The following SLC35F4 variants were observed in gnomAD, a reference collection of about 807,000 sequenced individuals.
SLC35F4 encodes chromosome 14 open reading frame 36.
SLC35F4 carries 24 observed loss-of-function variants against 44.2 expected under a neutral mutation model. The observed-to-expected ratio is 0.54, with a 90% CI of 0.39 to 0.76. SLC35F4 has a LOEUF of 0.76. Among genes scored for constraint, SLC35F4 ranks in the 30% least tolerant of loss-of-function variants. The pLI is 0.00. For synonymous variants in SLC35F4, 238 were observed against 223.6 expected (o/e 1.06, Z -0.57); for missense variants, 562 against 586.1 (o/e 0.96, Z 0.42).
At chr14:57,681,563 T>C (rs963142310) in intron 1 of SLC35F4, among the ~76,000 whole-genome samples, 4 of 151,998 alleles carry the variant, frequency 2.6e-5, no homozygotes, top group African/African-American at 9.7e-5. Context: ...GAAGAAAACC[T>C]AGGGCATACC....
intron 1 of SLC35F4, among the ~76,000 whole-genome samples, chr14:57,955,813 A>G (rs1890227052): frequency 6.6e-6 from 1 of 152,330 alleles, no homozygotes; most frequent in East Asian, 1.9e-4. Context: ...ATGGCAAAAC[A>G]TTTTGTGCTC....
intron 1 of SLC35F4, among the ~76,000 whole-genome samples, chr14:57,886,505 G>C (rs368355784): frequency 1.3e-5 from 2 of 152,168 alleles, no homozygotes; most frequent in Non-Finnish European, 2.9e-5. Context: ...AGAGGTAGGG[G>C]ATAAAATCAT....
chr14:57,587,904 G>T (rs2069881782), intron 3 of SLC35F4, among the ~76,000 whole-genome samples: 1 of 148,650 alleles, frequency 6.7e-6, no homozygotes, highest in Non-Finnish European at 1.5e-5. Context: ...TGGTAGTTGA[G>T]GCCAGGCACG....
intron 1 of SLC35F4, among the ~76,000 whole-genome samples, chr14:57,893,540 G>A (rs569826670): frequency 6.6e-6 from 1 of 152,140 alleles, no homozygotes; most frequent in Non-Finnish European, 1.5e-5. Context: ...ATTGCCTCCC[G>A]AGAAACCATT....
chr14:57,728,029 C>G (rs2076247164), intron 1 of SLC35F4, among the ~76,000 whole-genome samples: 1 of 152,116 alleles, frequency 6.6e-6, no homozygotes, highest in South Asian at 2.1e-4. Context: ...CTCTCTTCAG[C>G]TCTAATAATA....
At chr14:57,628,886 G>A (rs1174614185) in intron 1 of SLC35F4, among the ~76,000 whole-genome samples, 4 of 152,018 alleles carry the variant, frequency 2.6e-5, no homozygotes, top group Non-Finnish European at 4.4e-5. Flanking sequence ...AATTGTATAC[G>A]TAGAAATCAT....
At chr14:57,697,758 G>T (rs1321927258) in intron 1 of SLC35F4, among the ~76,000 whole-genome samples, 1 of 150,978 alleles carries the variant, frequency 6.6e-6, no homozygotes, top group Non-Finnish European at 1.5e-5. Context: ...AAATTCCATT[G>T]CCAGAATAAG....
intron 1 of SLC35F4, among the ~76,000 whole-genome samples, chr14:57,893,171 T>C (rs1164508099): frequency 2.0e-5 from 3 of 152,172 alleles, no homozygotes; most frequent in African/African-American, 7.2e-5. Context: ...TAAGGTTTGC[T>C]GCCTCTGCCA....
At chr14:57,572,818 G>C (rs934705222) in intron 4 of SLC35F4, among the ~76,000 whole-genome samples, 2 of 152,210 alleles carry the variant, frequency 1.3e-5, no homozygotes, top group Non-Finnish European at 2.9e-5. Context: ...GTGAATTGCT[G>C]CTTTGTGTCA....
intron 1 of SLC35F4, among the ~76,000 whole-genome samples, chr14:57,773,747 A>G (rs1005461322): frequency 6.6e-6 from 1 of 152,206 alleles, no homozygotes; most frequent in Non-Finnish European, 1.5e-5. Context: ...GCAATTGCCC[A>G]GGTACTTCAG....
intron 1 of SLC35F4, among the ~76,000 whole-genome samples, chr14:57,888,799 G>A (rs1888703421): frequency 6.6e-6 from 1 of 152,178 alleles, no homozygotes; most frequent in Admixed American, 6.5e-5. Context: ...TGTGCCAGTT[G>A]TGGCTCTAAA....
At chr14:57,696,803 C>G (rs2075395467) in intron 1 of SLC35F4, among the ~76,000 whole-genome samples, 1 of 152,184 alleles carries the variant, frequency 6.6e-6, no homozygotes, top group Non-Finnish European at 1.5e-5. Flanking sequence ...TCATACTCAG[C>G]AAACTAACAC....
At chr14:57,743,889 G>A (rs2076688261) in intron 1 of SLC35F4, among the ~76,000 whole-genome samples, 1 of 152,132 alleles carries the variant, frequency 6.6e-6, no homozygotes, top group Non-Finnish European at 1.5e-5. Context: ...GATCAAGTGG[G>A]CTTCATCCCT....
At chr14:57,796,841 A>G (rs1267770538) in intron 1 of SLC35F4, among the ~76,000 whole-genome samples, 1 of 152,168 alleles carries the variant, frequency 6.6e-6, no homozygotes, top group East Asian at 1.9e-4. Context: ...CCCTCAATGA[A>G]TATTATCCAG....
At chr14:57,903,033 T>A (rs1889038689) in intron 1 of SLC35F4, among the ~76,000 whole-genome samples, 1 of 152,228 alleles carries the variant, frequency 6.6e-6, no homozygotes, top group Non-Finnish European at 1.5e-5. Context: ...TAGGTTTTTT[T>A]ATTGTCTTTC....
chr14:57,885,312 C>T (rs1012143315), intron 1 of SLC35F4, among the ~76,000 whole-genome samples: 2 of 152,126 alleles, frequency 1.3e-5, no homozygotes, highest in Non-Finnish European at 2.9e-5. Flanking sequence ...AAAGGGCTCA[C>T]TCATGGAGCT....
chr14:57,691,258 C>T (rs555139970), intron 1 of SLC35F4, among the ~76,000 whole-genome samples: 25 of 152,232 alleles, frequency 1.6e-4, no homozygotes, highest in Non-Finnish European at 1.3e-4. Flanking sequence ...AGCAAACCAA[C>T]GGCAGAAAGA....
chr14:57,696,542 T>G (rs2075388029), intron 1 of SLC35F4, among the ~76,000 whole-genome samples: 2 of 152,218 alleles, frequency 1.3e-5, no homozygotes, highest in South Asian at 4.1e-4. Context: ...GAAATACCAT[T>G]TGACCCAGCA....
intron 1 of SLC35F4, among the ~76,000 whole-genome samples, chr14:57,707,897 G>A (rs145329236): frequency 1.0e-3 from 158 of 152,246 alleles, no homozygotes; most frequent in African/African-American, 3.6e-3. Context: ...GGTGTAGGCC[G>A]AACTAACTTT....
Sources: allele counts gnomAD v4.1 joint callset (sites outside exome capture counted in the v4.1 genomes callset), GRCh38; gene constraint gnomAD v4.1.1; transcripts MANE v1.5; gene names NCBI Gene and HGNC (gene_info 2026-07-23, HGNC 2026-07-21).